SRGN: variants seen among roughly 807,000 people sequenced by gnomAD.
SRGN encodes the protein serglycin.
A neutral mutation model predicts 9.5 loss-of-function variants in SRGN; 2 were observed. The observed-to-expected ratio is 0.21, with a 90% CI of 0.09 to 0.66. The LOEUF (loss-of-function observed/expected upper bound fraction) is 0.66. Among genes scored for constraint, SRGN ranks in the 30% least tolerant of loss-of-function variants. The pLI, the probability that SRGN is intolerant of heterozygous loss-of-function variation, is 0.83. For missense variants in SRGN, 170 were observed against 192.4 expected (o/e 0.88, Z 0.69); for synonymous variants, 59 against 72.3 (o/e 0.82, Z 0.93).
At chr10:69,093,723 C>T (rs1840114283) in intron 1 of SRGN, among the ~76,000 whole-genome samples, 1 of 151,992 alleles carries the variant, frequency 6.6e-6, no homozygotes, top group Admixed American at 6.6e-5. Flanking sequence ...AAAAATTAGC[C>T]GGGCATGGTG....
intron 1 of SRGN, among the ~76,000 whole-genome samples, chr10:69,093,446 G>A (rs1840107218): frequency 6.6e-6 from 1 of 152,168 alleles, no homozygotes; most frequent in Admixed American, 6.6e-5. Flanking sequence ...GACAAAGTTG[G>A]TCTAGACAGT....
intron 1 of SRGN, among the ~76,000 whole-genome samples, chr10:69,090,929 G>GA (rs1313917415): frequency 6.6e-6 from 1 of 151,768 alleles, no homozygotes; most frequent in African/African-American, 2.4e-5. Flanking sequence ...CACCCATAAA[G>GA]AAAAAAAATG....
intron 1 of SRGN, 49 bp from the exon 2 acceptor site, chr10:69,097,035 T>C: frequency 6.3e-7 from 1 of 1,584,486 alleles, no homozygotes; most frequent in Non-Finnish European, 8.6e-7. Flanking sequence ...ACAGAGTGAT[T>C]AGAAGCTGTG....
intron 2 of SRGN, among the ~76,000 whole-genome samples, chr10:69,103,647 A>T (rs115981954): frequency 1.3e-5 from 2 of 152,256 alleles, no homozygotes; most frequent in African/African-American, 4.8e-5. Flanking sequence ...CAATAGGTAG[A>T]TGTGAAGTTG....
intron 1 of SRGN, among the ~76,000 whole-genome samples, chr10:69,094,794 A>G (rs986279970): frequency 3.3e-5 from 5 of 151,574 alleles, no homozygotes; most frequent in African/African-American, 1.2e-4. Flanking sequence ...TAGAAATGGG[A>G]GTCTCTCTAT....
At chr10:69,091,033 T>C (rs1236781695) in intron 1 of SRGN, among the ~76,000 whole-genome samples, 1 of 152,214 alleles carries the variant, frequency 6.6e-6, no homozygotes, top group East Asian at 1.9e-4. Flanking sequence ...ACTGATCCAC[T>C]CCTTGTGCTG....
At chr10:69,090,161 A>C (rs1840021813) in intron 1 of SRGN, among the ~76,000 whole-genome samples, 1 of 152,200 alleles carries the variant, frequency 6.6e-6, no homozygotes, top group Non-Finnish European at 1.5e-5. Context: ...CACTGGCTGC[A>C]CATGTGAGTG....
chr10:69,101,092 C>T (rs35935154), intron 2 of SRGN, among the ~76,000 whole-genome samples: 25,951 of 151,106 alleles, frequency 0.17, 3,003 homozygotes, highest in Non-Finnish European at 0.24. Context: ...AAGTGATTCT[C>T]CTGCCTCAGC....
intron 1 of SRGN, among the ~76,000 whole-genome samples, chr10:69,094,793 G>A (rs1371989799): frequency 6.6e-6 from 1 of 151,624 alleles, no homozygotes; most frequent in Admixed American, 6.6e-5. Context: ...GTAGAAATGG[G>A]AGTCTCTCTA....
chr10:69,102,973 C>T (rs539801748), intron 2 of SRGN, among the ~76,000 whole-genome samples: 1 of 152,082 alleles, frequency 6.6e-6, no homozygotes, highest in African/African-American at 2.4e-5. Flanking sequence ...GAGTTTTGCT[C>T]TTGTAACCCA....
intron 1 of SRGN, among the ~76,000 whole-genome samples, chr10:69,095,954 T>C (rs1840166564): frequency 6.6e-6 from 1 of 150,962 alleles, no homozygotes. Flanking sequence ...ATCTCCTATA[T>C]AACCTCATAA....
At chr10:69,098,927 A>G (rs914040637) in intron 2 of SRGN, 22 of 152,248 alleles carry the variant, frequency 1.4e-4, no homozygotes, top group African/African-American at 5.1e-4. Flanking sequence ...ATTGCACTCC[A>G]GCCTAGGCAA....
chr10:69,092,178 A>G (rs1589326337), intron 1 of SRGN, among the ~76,000 whole-genome samples: 1 of 152,266 alleles, frequency 6.6e-6, no homozygotes, highest in East Asian at 1.9e-4. Flanking sequence ...CCTTTTAGGA[A>G]GATAACATTT....
In SRGN at chr10:69,103,953, T is replaced by A. The variant is rs1311211156; in HGVS notation, c.310T>A (p.Ser104Thr). ...ATCAGGCTTCGGCTCCGGCTCCGGC[T>A]CTGGATCAGGATCTGGGAGTGGCTT... The part of the protein sequence containing the change: ...SGSGFGSGSG[S>T]GSGSGSGFLT... The change falls in exon 3 of 3, where the codon TCT becomes ACT. Residue 104 changes from serine (S) to threonine (T), a missense_variant. Coordinates refer to ENST00000242465, the MANE Select transcript of SRGN (RefSeq NM_002727.4). 6.2e-7 allele frequency: 1 copy of A among 1,614,126 alleles called. No homozygotes were observed. Among genetic ancestry groups the A allele is most frequent in the African/African-American group, 1.3e-5 (1 of 74,932 alleles).
intron 2 of SRGN, among the ~76,000 whole-genome samples, chr10:69,099,281 C>T (rs1840240222): frequency 6.7e-6 from 1 of 150,374 alleles, no homozygotes; most frequent in Non-Finnish European, 1.5e-5. Context: ...TTTCACATCA[C>T]TTTGGGATCC....
chr10:69,097,329 T>C (rs935148140), intron 2 of SRGN, 98 bp downstream of exon 2: 180 of 962,554 alleles, frequency 1.9e-4, no homozygotes, highest in Non-Finnish European at 2.6e-4. Flanking sequence ...GGCGCAATCT[T>C]AGCTCACTGC....
chr10:69,099,716 C>G (rs2132159754), intron 2 of SRGN, among the ~76,000 whole-genome samples: 1 of 152,328 alleles, frequency 6.6e-6, no homozygotes, highest in South Asian at 2.1e-4. Context: ...CTCTTGCATT[C>G]TTACTTTAAA....
chr10:69,097,373 G>A, intron 2 of SRGN, 142 bp downstream of exon 2: 5 of 584,992 alleles, frequency 8.5e-6, no homozygotes, highest in South Asian at 4.7e-5. Flanking sequence ...CGATTCTCCT[G>A]CTTCAGCCTC....
At position 69,104,315 on chromosome 10, in the gene SRGN, G is replaced by A. The variant is rs1408318109; in HGVS notation, c.*195G>A. 4 of 591,344 alleles carry A rather than the reference G, an allele frequency of 6.8e-6. No homozygotes were observed. The highest frequency in any genetic ancestry group is 5.2e-4 in the Middle Eastern group (1 of 1,916). 36.6% of individuals were successfully genotyped at this position (591,344 alleles called of 1,614,324 possible). A position where few individuals can be genotyped will look rare whatever the true frequency, so the allele number is the denominator to read the frequency against. ...CTTTAATGCTGTTATCTATTTTATT[G>A]TTCTTGAAAATACCTGCATTTTTTG... On this transcript the variant is annotated 3_prime_UTR_variant, in exon 3 of 3. Coordinates refer to ENST00000242465, the MANE Select transcript of SRGN (RefSeq NM_002727.4).
Sources: allele counts gnomAD v4.1 joint callset (sites outside exome capture counted in the v4.1 genomes callset), GRCh38; gene constraint gnomAD v4.1.1; transcripts MANE v1.5; gene names NCBI Gene and HGNC (gene_info 2026-07-23, HGNC 2026-07-21).